Variants in TENM3 observed in about 807,000 individuals in gnomAD.
TENM3 encodes the protein teneurin-3.
TENM3 carries 63 observed loss-of-function variants against 255.1 expected under a neutral mutation model. The observed-to-expected ratio is 0.25, with a 90% confidence interval of 0.20 to 0.30. The LOEUF is 0.30. Ranked by LOEUF, TENM3 falls within the 10% of genes least tolerant of loss-of-function variation. The probability of loss-of-function intolerance (pLI) is 1.00; values close to 1 mark genes in which losing one functional copy is unlikely to be tolerated. For missense variants in TENM3, 2,929 were observed against 3,461.1 expected, an observed-to-expected ratio of 0.85 and a Z score of 3.86; for synonymous variants, 1,306 against 1,322.3, an observed-to-expected ratio of 0.99 and a Z score of 0.27.
chr4:182,609,485 C>A (rs1349938570), intron 4 of TENM3, among the ~76,000 whole-genome samples: 1 of 152,162 alleles, frequency 6.6e-6, no homozygotes, highest in African/African-American at 2.4e-5. Flanking sequence ...AGATTAAATT[C>A]TTGGACATGC....
the TENM3 span, among the ~76,000 whole-genome samples, chr4:182,066,783 C>A: frequency 1.3e-5 from 2 of 151,944 alleles, no homozygotes; most frequent in South Asian, 2.1e-4. Flanking sequence ...TGGTGGCAGG[C>A]GCCTGTAGTC....
chr4:181,746,366 T>A, the TENM3 span, among the ~76,000 whole-genome samples: 1 of 151,974 alleles, frequency 6.6e-6, no homozygotes, highest in African/African-American at 2.4e-5. Flanking sequence ...CCCAGGATTT[T>A]GTCAGGAGTA....
At position 182,793,325 on chromosome 4, in the gene TENM3, G is replaced by A; in HGVS notation, c.6653G>A (p.Ser2218Asn). 6.2e-7 allele frequency: 1 copy of A among 1,613,816 alleles called. No individual in the cohort carries two copies. The highest frequency in any genetic ancestry group is 8.5e-7 in the Non-Finnish European group (1 of 1,179,752). Residue 2218 changes from serine (S) to asparagine (N), a missense_variant, in exon 26 of 28, where the codon AGT becomes AAT. By Grantham distance (46) the Ser-to-Asn change is conservative. Around this residue, in one of 6 missense-constraint regions of TENM3, gnomAD observed 256 missense variants for 389.3 expected, o/e 0.66. Transcript: ENST00000511685. The surrounding 1 kb of genome is among the most constrained non-coding windows in gnomAD (Gnocchi z 5.7). Reference sequence around the variant, plus strand: ...AAGGGGCTTCTAACTCGAGTTTACAGTAAAGGCAGTGGCTGGACAGTGATC... The same window carrying A: ...AAGGGGCTTCTAACTCGAGTTTACAATAAAGGCAGTGGCTGGACAGTGATC... ...SSKGLLTRVY[S>N]KGSGWTVIYR...
intron 3 of TENM3, among the ~76,000 whole-genome samples, chr4:182,547,080 AGC>A (rs1741526088): frequency 6.6e-6 from 1 of 152,174 alleles, no homozygotes; most frequent in African/African-American, 2.4e-5. Flanking sequence ...CTCATGAGTA[AGC>A]AGAGATCTTG....
chr4:182,325,209 TACAG>T (rs1432678899), intron 2 of TENM3, among the ~76,000 whole-genome samples: 1 of 152,214 alleles, frequency 6.6e-6, no homozygotes, highest in African/African-American at 2.4e-5. Context: ...CCAATCACCG[TACAG>T]ACAGTGTGAC....
At chr4:182,383,172 G>C (rs1346232527) in intron 3 of TENM3, among the ~76,000 whole-genome samples, 1 of 152,124 alleles carries the variant, frequency 6.6e-6, no homozygotes, top group African/African-American at 2.4e-5. Context: ...AAGACATCAG[G>C]GTAGGGAGAT....
At chr4:181,712,298 G>A in the TENM3 span, among the ~76,000 whole-genome samples, 1 of 152,110 alleles carries the variant, frequency 6.6e-6, no homozygotes, top group Non-Finnish European at 1.5e-5. Context: ...GGATCATGGG[G>A]GTGGATCCTT....
At chr4:181,853,448 T>C in the TENM3 span, among the ~76,000 whole-genome samples, 2 of 152,374 alleles carry the variant, frequency 1.3e-5, no homozygotes, top group Non-Finnish European at 1.5e-5. Flanking sequence ...CTATAACATT[T>C]GCAACCTAAT....
the TENM3 span, among the ~76,000 whole-genome samples, chr4:181,959,807 A>C: frequency 6.6e-6 from 1 of 152,244 alleles, no homozygotes; most frequent in Non-Finnish European, 1.5e-5. Flanking sequence ...TTTGGCAGGT[A>C]GTAGATGTGA....
the TENM3 span, among the ~76,000 whole-genome samples, chr4:181,690,229 C>T: frequency 4.3e-3 from 439 of 102,714 alleles, 2 homozygotes; most frequent in African/African-American, 0.014. Flanking sequence ...AGGGCACATG[C>T]GCGTGAGCGT....
chr4:181,467,167 T>C, the TENM3 span, among the ~76,000 whole-genome samples: 2 of 136,008 alleles, frequency 1.5e-5, no homozygotes, highest in African/African-American at 2.9e-5. Flanking sequence ...TCTCGCTCTG[T>C]TCCCCAGGCT....
Position 182,754,859 on chromosome 4 carries a change from G to C in TENM3, c.4492G>C (p.Val1498Leu). ...ADLGNIRIRA[V>L]SKNKPLLNSM... ...TCTAGGGAATATCCGGATCCGGGCTGTGTCAAAGAATAAGCCTTTACTTAA... is the reference window on the plus strand; with the variant it reads ...TCTAGGGAATATCCGGATCCGGGCTCTGTCAAAGAATAAGCCTTTACTTAA... Residue 1498 changes from valine to leucine, a missense_variant, in exon 22 of 28, where the codon GTG becomes CTG. By Grantham distance (32) the Val-to-Leu change is conservative. This residue lies in a region of TENM3 where 1,608 missense variants were observed against 1,884.4 expected (regional missense o/e 0.85). Coordinates refer to ENST00000511685, the MANE Select transcript of TENM3 (RefSeq NM_001080477.4). This position sits in a 1 kb window ranked among gnomAD's most constrained non-coding sequence, Gnocchi z 5.1. The C allele has an allele frequency of 6.2e-7, 1 of 1,614,032 alleles. No individual in the cohort carries two copies. Among genetic ancestry groups the C allele is most frequent in the Non-Finnish European group, 8.5e-7 (1 of 1,179,896 alleles).
intron 3 of TENM3, among the ~76,000 whole-genome samples, chr4:182,571,263 CGCCTGTAATCCCAGCACTTTGGGAG>C (rs1473253646): frequency 6.6e-6 from 1 of 152,158 alleles, no homozygotes; most frequent in East Asian, 1.9e-4. Context: ...CGATGGCTCC[CGCCTGTAATCCCAGCACTTTGGGAG>C]GCCAAGGCAG....
At chr4:181,562,252 A>C in the TENM3 span, among the ~76,000 whole-genome samples, 1 of 152,072 alleles carries the variant, frequency 6.6e-6, no homozygotes, top group African/African-American at 2.4e-5. Context: ...CATGTTTAAA[A>C]ATTTTTCTTA....
the TENM3 span, among the ~76,000 whole-genome samples, chr4:182,134,921 A>G: frequency 6.6e-6 from 1 of 151,980 alleles, no homozygotes; most frequent in African/African-American, 2.4e-5. Flanking sequence ...AATGAACCAA[A>G]GTTTGGCCAG....
At chr4:182,369,464 A>T (rs1385335784) in intron 3 of TENM3, among the ~76,000 whole-genome samples, 2 of 152,234 alleles carry the variant, frequency 1.3e-5, no homozygotes, top group Admixed American at 6.5e-5. Flanking sequence ...AGGTCCTCAG[A>T]TTACGTGCTT....
intron 3 of TENM3, among the ~76,000 whole-genome samples, chr4:182,586,571 A>G (rs1414631062): frequency 6.6e-6 from 1 of 152,226 alleles, no homozygotes; most frequent in Non-Finnish European, 1.5e-5. Context: ...TGGTAGCTTC[A>G]TCTATGATTC....
chr4:181,605,557 A>AG, the TENM3 span, among the ~76,000 whole-genome samples: 35 of 28,750 alleles, frequency 1.2e-3, 4 homozygotes, highest in African/African-American at 2.2e-3. Context: ...AAAGAAAGAA[A>AG]GAAAGAAAGA....
At chr4:181,586,887 A>G in the TENM3 span, among the ~76,000 whole-genome samples, 1 of 152,178 alleles carries the variant, frequency 6.6e-6, no homozygotes, top group South Asian at 2.1e-4. Context: ...AAAACAAAAG[A>G]AGCAGATCAT....
Sources: gnomAD v4.1 joint callset for allele counts (sites outside exome capture counted in the v4.1 genomes callset) on GRCh38, gnomAD v4.1.1 for gene constraint, gnomAD v4.1.1 regional missense constraint, Gnocchi (gnomAD v3.1) non-coding constraint, MANE v1.5 for transcripts, NCBI Gene and HGNC (gene_info 2026-07-23, HGNC 2026-07-21) for gene names.